The following IDI1 variants were observed in gnomAD, a reference collection of about 807,000 sequenced individuals.
The protein encoded by IDI1 is isopentenyl-diphosphate delta isomerase 1.
A neutral mutation model predicts 32.9 loss-of-function variants in IDI1; 23 were observed. That is an observed-to-expected ratio of 0.70 (90% CI 0.50 to 0.99). The LOEUF (loss-of-function observed/expected upper bound fraction) is 0.99, where lower values mean the gene tolerates loss of function less well. IDI1 is among the 50% of genes least tolerant of loss of function. The pLI is 0.00. For missense variants in IDI1, 326 were observed against 351.9 expected (o/e 0.93, Z 0.59); for synonymous variants, 133 against 128.2 (o/e 1.04, Z -0.25).
At chr10:1,044,268 T>C in intron 1 of IDI1, 97 bp from the exon 2 acceptor site, 1 of 874,762 alleles carries the variant, frequency 1.1e-6, no homozygotes, top group Non-Finnish European at 1.8e-6. Context: ...CCATCTGCAG[T>C]TGTACCACTC....
Position 1,041,341 on chromosome 10 carries a change from T to G in IDI1, c.701A>C (p.Glu234Ala). ...EIKSYCYVSKEELKELLKKAA... is the reference protein window; with the variant it reads ...EIKSYCYVSKAELKELLKKAA... ...TTTTTTCAGAAGTTCTTTTAGTTCT[T>G]CCTTTGACACATAACAATAGCTTTT... Residue 234 changes from glutamate (E) to alanine (A), a missense_variant, in exon 5 of 5, where the codon GAA becomes GCA. By Grantham distance (107) the Glu-to-Ala change is moderately radical (BLOSUM62 -1). Transcript: ENST00000381344. The G allele has an allele frequency of 6.2e-7, 1 of 1,613,890 alleles. No individual in the cohort carries two copies. Among genetic ancestry groups the G allele is most frequent in the Non-Finnish European group, 8.5e-7 (1 of 1,179,838 alleles).
chr10:1,044,222 G>C (rs567233568), intron 1 of IDI1, 51 bp from the exon 2 acceptor site: 1 of 1,416,366 alleles, frequency 7.1e-7, no homozygotes, highest in African/African-American at 1.4e-5. Context: ...TTTTCTGAAT[G>C]TCATATAAAC....
At position 1,044,157 on chromosome 10, in the gene IDI1, A is replaced by C; in HGVS notation, c.155T>G (p.Ile52Ser). ...GRRLISVLEQIRHFVMMPEIN... is the reference protein window; with the variant it reads ...GRRLISVLEQSRHFVMMPEIN... ...TTCAGGCATCATTACAAAATGTCTG[A>C]TCTGTTCTAGAACACTAATATTAAA... is the stretch of plus-strand genomic sequence containing the variant. Residue 52 changes from isoleucine (I) to serine (S), a missense_variant, in exon 2 of 5, where the codon ATC becomes AGC. Ile to Ser is a moderately radical substitution (Grantham distance 142). Around this residue, in one of 2 missense-constraint regions of IDI1, gnomAD observed 121 missense variants for 78.4 expected, o/e 1.54. Coordinates refer to ENST00000381344, the MANE Select transcript of IDI1 (RefSeq NM_004508.4). The C allele has an allele frequency of 6.2e-7, 1 of 1,613,288 alleles. No individual in the cohort carries two copies. Among genetic ancestry groups the C allele is most frequent in the Non-Finnish European group, 8.5e-7 (1 of 1,179,362 alleles).
intron 1 of IDI1, chr10:1,048,365 G>A: frequency 1.5e-6 from 2 of 1,305,080 alleles, no homozygotes; most frequent in Non-Finnish European, 2.0e-6. Context: ...CCCAGGAGAA[G>A]CGCCTTGAGT....
chr10:1,048,857 A>G lies in IDI1; in HGVS notation c.140+7T>C. 1 of 1,604,730 alleles carries G rather than the reference A, an allele frequency of 6.2e-7. No homozygotes were observed. The highest frequency in any genetic ancestry group is 8.5e-7 in the Non-Finnish European group (1 of 1,176,928). On this transcript the variant is annotated splice_region_variant and intron_variant, in intron 1 of 4. Coordinates refer to ENST00000381344, the MANE Select transcript of IDI1 (RefSeq NM_004508.4). ...GTCTCCCGAACTCCGCCGCCCGTCC[A>G]CAGTACCTGATCAGCCTCCGGCCAC...
intron 4 of IDI1, among the ~76,000 whole-genome samples, chr10:1,041,821 T>C (rs1832603318): frequency 6.6e-6 from 1 of 151,630 alleles, no homozygotes; most frequent in Non-Finnish European, 1.5e-5. Flanking sequence ...TTTTTTTTTT[T>C]TTGTGAGACG....
chr10:1,047,529 T>C (rs1244865411), intron 1 of IDI1, among the ~76,000 whole-genome samples: 7 of 84 alleles, frequency 0.083, 1 homozygote, highest in Admixed American at 0.4. Flanking sequence ...GCTGCTCCAC[T>C]GTCTACACCA....
chr10:1,049,048 G>T lies in IDI1; in HGVS notation c.-45C>A. ...CGTACGCGCTTGACGACACAATCTC[G>T]CCAAGCTTCGCCTGGTGGTGCCACC... On this transcript the variant is annotated 5_prime_UTR_variant, in exon 1 of 5. Coordinates refer to ENST00000381344, the MANE Select transcript of IDI1 (RefSeq NM_004508.4). The T allele has an allele frequency of 1.4e-6, 2 of 1,448,612 alleles. No individual in the cohort carries two copies. Among genetic ancestry groups the T allele is most frequent in the Non-Finnish European group, 1.8e-6 (2 of 1,109,146 alleles). The allele number at this position is 1,448,612 out of a possible 1,614,324, so 89.7% of individuals were successfully genotyped here.
At chr10:1,055,409 A>C in the IDI1 span, among the ~76,000 whole-genome samples, 1 of 152,210 alleles carries the variant, frequency 6.6e-6, no homozygotes, top group Non-Finnish European at 1.5e-5. Flanking sequence ...AAATTACATT[A>C]GCGATATTCT....
chr10:1,049,188 G>A (rs1589057716), upstream of IDI1: 4 of 1,029,716 alleles, frequency 3.9e-6, no homozygotes, highest in East Asian at 3.2e-5. Flanking sequence ...CGCAGAGGCA[G>A]CGTCCCGCGA....
chr10:1,051,347 A>T (rs1833007931), upstream of IDI1, among the ~76,000 whole-genome samples: 4 of 152,228 alleles, frequency 2.6e-5, no homozygotes. Flanking sequence ...GAATTTTTGC[A>T]TGAAAATTCC....
chr10:1,050,818 G>T (rs1220066429), upstream of IDI1, among the ~76,000 whole-genome samples: 1 of 152,240 alleles, frequency 6.6e-6, no homozygotes, highest in East Asian at 1.9e-4. Context: ...GGTGTGGCGA[G>T]AACACGTAAA....
Position 1,041,391 on chromosome 10 carries a change from A to G in IDI1, c.651T>C (p.Thr217=). The change falls in exon 5 of 5, where the codon ACT becomes ACC. Residue 217 remains threonine (T), a synonymous_variant. Transcript: ENST00000381344. ...TAATCTCATTGGGATCTGGATTCAA[A>G]GTTACATTCTTCCTCACCAACAAAA... The part of the protein sequence containing the change: ...DYILLVRKNV[T]LNPDPNEIKS... 3 of 1,612,996 alleles carry G rather than the reference A, an allele frequency of 1.9e-6. No homozygotes were observed. The highest frequency in any genetic ancestry group is 2.5e-6 in the Non-Finnish European group (3 of 1,179,060).
intron 2 of IDI1, chr10:1,043,733 T>G (rs1194742709): frequency 3.0e-6 from 2 of 656,150 alleles, no homozygotes; most frequent in African/African-American, 1.8e-5. Flanking sequence ...GAGGCTAGGC[T>G]GCTGCTGTAT....
intron 1 of IDI1, among the ~76,000 whole-genome samples, chr10:1,044,919 C>A (rs1489292236): frequency 6.6e-6 from 1 of 152,240 alleles, no homozygotes; most frequent in African/African-American, 2.4e-5. Context: ...CTCTGTAACA[C>A]TAAAATAGTC....
chr10:1,053,039 T>G (rs1162087148), upstream of IDI1, among the ~76,000 whole-genome samples: 1 of 152,134 alleles, frequency 6.6e-6, no homozygotes, highest in Admixed American at 6.5e-5. Flanking sequence ...GGAGTCTCAC[T>G]CTGTTACCCA....
At chr10:1,044,833 C>T (rs926169871) in intron 1 of IDI1, among the ~76,000 whole-genome samples, 9 of 152,126 alleles carry the variant, frequency 5.9e-5, no homozygotes, top group African/African-American at 1.9e-4. Flanking sequence ...AGACTTAATT[C>T]GTTATATTCA....
At chr10:1,048,503 T>G in intron 1 of IDI1, 1 of 1,249,442 alleles carries the variant, frequency 8.0e-7, no homozygotes, top group Non-Finnish European at 1.0e-6. Context: ...TGTTTCTGAA[T>G]TCTCTAAGGG....
upstream of IDI1, among the ~76,000 whole-genome samples, chr10:1,051,910 T>C (rs985322449): frequency 1.9e-4 from 29 of 152,204 alleles, 1 homozygote; most frequent in Admixed American, 1.9e-3. Context: ...TCTCGTTCTT[T>C]CGCCCAGGCT....
Sources: gnomAD v4.1 joint callset for allele counts (sites outside exome capture counted in the v4.1 genomes callset) on GRCh38, gnomAD v4.1.1 for gene constraint, gnomAD v4.1.1 regional missense constraint, MANE v1.5 for transcripts, NCBI Gene and HGNC (gene_info 2026-07-23, HGNC 2026-07-21) for gene names.